ATP8B4: variants seen among roughly 807,000 people sequenced by gnomAD.
ATP8B4 encodes the protein ATPase phospholipid transporting 8B4 (putative), also known as probable phospholipid-transporting ATPase IM.
A neutral mutation model predicts 145.6 loss-of-function variants in ATP8B4; 133 were observed. That is an observed-to-expected ratio of 0.91 (90% confidence interval 0.79 to 1.05). The LOEUF (loss-of-function observed/expected upper bound fraction) is 1.05, where lower values mean the gene tolerates loss of function less well. Ranked by LOEUF, ATP8B4 falls within the 50% of genes least tolerant of loss-of-function variation. The pLI is 0.00. For missense variants in ATP8B4, 1,458 were observed against 1,425.2 expected (o/e 1.02, Z -0.37); for synonymous variants, 507 against 492.9 (o/e 1.03, Z -0.38).
intron 14 of ATP8B4, among the ~76,000 whole-genome samples, chr15:49,944,255 A>G (rs2042389028): frequency 6.6e-6 from 1 of 152,174 alleles, no homozygotes; most frequent in African/African-American, 2.4e-5. Context: ...AAGTTCACCA[A>G]TTAAAAGATA....
At chr15:49,863,173 C>A (rs1014414853) in intron 26 of ATP8B4, among the ~76,000 whole-genome samples, 1 of 152,156 alleles carries the variant, frequency 6.6e-6, no homozygotes, top group Non-Finnish European at 1.5e-5. Context: ...AGAAAACCTG[C>A]CTCAGAGGAA....
intron 3 of ATP8B4, among the ~76,000 whole-genome samples, chr15:50,055,467 G>A (rs555233469): frequency 3.3e-5 from 5 of 152,158 alleles, no homozygotes; most frequent in Non-Finnish European, 7.3e-5. Flanking sequence ...CTCAGCAGTT[G>A]TCCAGAGACA....
intron 1 of ATP8B4, among the ~76,000 whole-genome samples, chr15:50,158,000 G>A (rs1040640295): frequency 1.8e-4 from 27 of 152,332 alleles, no homozygotes; most frequent in African/African-American, 6.3e-4. Flanking sequence ...CAAGTGATCC[G>A]CCAGCCTCGG....
At chr15:49,909,788 A>G (rs2039042899) in intron 20 of ATP8B4, among the ~76,000 whole-genome samples, 1 of 151,860 alleles carries the variant, frequency 6.6e-6, no homozygotes, top group African/African-American at 2.4e-5. Flanking sequence ...TACTGCACAC[A>G]TCCAGAATCA....
Position 49,897,469 on chromosome 15 carries a change from T to C in ATP8B4, c.2520A>G (p.Ala840=). ...VGISGQEGLQ[A]VLASDYSFAQ... ...CAAATGAATAGTCGCTGGCTAAGAC[T>C]GCTTGCAATCCTTCCTGGCCGCTGA... Residue 840 remains alanine (A), a synonymous_variant, in exon 23 of 28, where the codon GCA becomes GCG. Coordinates refer to ENST00000284509, the MANE Select transcript of ATP8B4 (RefSeq NM_024837.4). 1 of 1,590,990 alleles carries C rather than the reference T, an allele frequency of 6.3e-7. No individual in the cohort carries two copies. Among genetic ancestry groups the C allele is most frequent in the Non-Finnish European group, 8.6e-7 (1 of 1,168,184 alleles).
chr15:50,134,896 C>G (rs1019837701), intron 1 of ATP8B4, among the ~76,000 whole-genome samples: 1 of 152,144 alleles, frequency 6.6e-6, no homozygotes, highest in African/African-American at 2.4e-5. Context: ...CAATGCTCAG[C>G]TAGCTCATCA....
intron 9 of ATP8B4, among the ~76,000 whole-genome samples, chr15:49,994,783 C>T (rs1406214547): frequency 2.0e-5 from 3 of 152,000 alleles, no homozygotes; most frequent in African/African-American, 4.8e-5. Flanking sequence ...TACATGGCCA[C>T]GATTCTTGAA....
chr15:50,053,625 CAAAT>C (rs2052359478), intron 3 of ATP8B4, among the ~76,000 whole-genome samples: 1 of 151,980 alleles, frequency 6.6e-6, no homozygotes. Flanking sequence ...TCAATGCAGA[CAAAT>C]AGTAGACATA....
chr15:50,169,354 G>A (rs1286729341), intron 1 of ATP8B4, among the ~76,000 whole-genome samples: 2 of 152,200 alleles, frequency 1.3e-5, no homozygotes, highest in Non-Finnish European at 2.9e-5. Context: ...CACATCACAG[G>A]ACTCTGTGTG....
Position 49,920,281 on chromosome 15 carries a change from C to T in ATP8B4, c.1888G>A (p.Ala630Thr), listed in dbSNP as rs1289359556. The T allele has an allele frequency of 6.2e-7, 1 of 1,614,182 alleles. No homozygotes were observed. The highest frequency in any genetic ancestry group is 8.5e-7 in the Non-Finnish European group (1 of 1,180,026). Reference sequence around the variant, plus strand: ...CTTTCAATTTCTTCATATAGCCCAGCTATTCGTTCATCCCTCTCTTCTGTG... The same window carrying T: ...CTTTCAATTTCTTCATATAGCCCAGTTATTCGTTCATCCCTCTCTTCTGTG... ...AATEERDERI[A>T]GLYEEIERDL... Residue 630 changes from alanine to threonine, a missense_variant, in exon 18 of 28, where the codon GCT becomes ACT. Ala to Thr is a moderately conservative substitution (Grantham distance 58). Transcript: ENST00000284509.
At chr15:50,088,886 A>T (rs1397525327) in intron 2 of ATP8B4, among the ~76,000 whole-genome samples, 2 of 152,190 alleles carry the variant, frequency 1.3e-5, no homozygotes, top group Admixed American at 1.3e-4. Flanking sequence ...CAATAAGTGA[A>T]TGAATGGTTT....
intron 6 of ATP8B4, among the ~76,000 whole-genome samples, chr15:50,029,425 T>C (rs1349942618): frequency 6.6e-6 from 1 of 152,082 alleles, no homozygotes; most frequent in Non-Finnish European, 1.5e-5. Context: ...TGGGGCTATG[T>C]AATTCCAATC....
At chr15:49,922,513 C>A in intron 17 of ATP8B4, 1 of 335,460 alleles carries the variant, frequency 3.0e-6, no homozygotes, top group South Asian at 2.3e-5. Flanking sequence ...TAAAGTGAGA[C>A]AGAGGATTTT....
At chr15:49,889,844 G>T (rs998808198) in intron 23 of ATP8B4, among the ~76,000 whole-genome samples, 8 of 152,212 alleles carry the variant, frequency 5.3e-5, no homozygotes, top group African/African-American at 1.9e-4. Context: ...AACACAATCT[G>T]TTTACATTTG....
chr15:50,153,342 CTT>C (rs35816153), intron 1 of ATP8B4, among the ~76,000 whole-genome samples: 2 of 143,710 alleles, frequency 1.4e-5, no homozygotes, highest in Admixed American at 6.9e-5. Context: ...AAAGATACAC[CTT>C]TTTTTTTTTT....
At chr15:50,024,289 G>A (rs935198) in intron 6 of ATP8B4, among the ~76,000 whole-genome samples, 86,439 of 151,538 alleles carry the variant, frequency 0.57, 26,098 homozygotes, top group East Asian at 0.99. Flanking sequence ...AGCCTAGAAA[G>A]AAAAAAACCT....
At chr15:50,029,016 T>G (rs917833335) in intron 6 of ATP8B4, among the ~76,000 whole-genome samples, 1 of 151,724 alleles carries the variant, frequency 6.6e-6, no homozygotes, top group Non-Finnish European at 1.5e-5. Context: ...AGGCGGATCA[T>G]GAGGTCAGGA....
chr15:49,973,437 G>A (rs1184549517), intron 12 of ATP8B4, among the ~76,000 whole-genome samples: 2 of 152,094 alleles, frequency 1.3e-5, no homozygotes, highest in African/African-American at 4.8e-5. Context: ...CTAAAGAAAT[G>A]TGCTATTGAG....
chr15:50,107,330 C>T (rs1034643016), intron 1 of ATP8B4, among the ~76,000 whole-genome samples: 1 of 152,110 alleles, frequency 6.6e-6, no homozygotes, highest in African/African-American at 2.4e-5. Context: ...CCAGAATCTG[C>T]CTTTTATTTA....
Sources: allele counts gnomAD v4.1 joint callset (sites outside exome capture counted in the v4.1 genomes callset), GRCh38; gene constraint gnomAD v4.1.1; transcripts MANE v1.5; gene names NCBI Gene and HGNC (gene_info 2026-07-23, HGNC 2026-07-21).